Variants in NFXL1 observed in about 807,000 individuals in gnomAD.
NFXL1 encodes NF-X1-type zinc finger protein NFXL1.
Under a neutral mutation model 123.3 loss-of-function variants are expected in NFXL1, and 66 were observed. The observed-to-expected ratio is 0.54, with a 90% CI of 0.44 to 0.66. The LOEUF is 0.66. Ranked by LOEUF, NFXL1 falls within the 30% of genes least tolerant of loss-of-function variation. NFXL1 has a pLI of 0.00. For synonymous variants in NFXL1, 346 were observed against 360.8 expected (o/e 0.96, Z 0.46); for missense variants, 944 against 1,125.6 (o/e 0.84, Z 2.31).
intron 17 of NFXL1, among the ~76,000 whole-genome samples, chr4:47,877,663 G>A (rs1304596962): frequency 6.6e-6 from 1 of 151,902 alleles, no homozygotes; most frequent in Non-Finnish European, 1.5e-5. Context: ...GAAATTAAAA[G>A]CAATACATTT....
intron 15 of NFXL1, 122 bp downstream of exon 15, chr4:47,884,224 T>C (rs1446573808): frequency 1.8e-5 from 10 of 562,212 alleles, no homozygotes; most frequent in East Asian, 8.7e-5. Flanking sequence ...CACTAGTTGA[T>C]AGGCTAGGCC....
chr4:47,913,970 G>A lies in NFXL1; in HGVS notation c.234C>T (p.Ser78=). The A allele has an allele frequency of 2.6e-6, 4 of 1,542,274 alleles. No homozygotes were observed. The highest frequency in any genetic ancestry group is 2.1e-4 in the Middle Eastern group (1 of 4,828). The change falls in exon 2 of 23, where the codon AGC becomes AGT. Residue 78 remains serine (S), a splice_region_variant and synonymous_variant. Transcript: ENST00000507489. Reference sequence around the variant, plus strand: ...CACGCGGGCGGGAGCCATTCTCACCGCTGGCTGCGGTAGTCTGCAGGGCTT... The same window carrying A: ...CACGCGGGCGGGAGCCATTCTCACCACTGGCTGCGGTAGTCTGCAGGGCTT... ...GSQALQTTAA[S]ELMSQKKFEE...
chr4:47,854,456 A>G (rs1455698959), intron 20 of NFXL1, among the ~76,000 whole-genome samples: 1 of 152,136 alleles, frequency 6.6e-6, no homozygotes. Flanking sequence ...TTTCCTTCAT[A>G]AGTTTTGTTG....
At chr4:47,875,984 C>A (rs1313206583) in intron 17 of NFXL1, among the ~76,000 whole-genome samples, 1 of 151,948 alleles carries the variant, frequency 6.6e-6, no homozygotes, top group Non-Finnish European at 1.5e-5. Context: ...TGTTTTCTCA[C>A]GTCATACTTG....
At chr4:47,908,967 A>G (rs1317710250) in intron 3 of NFXL1, among the ~76,000 whole-genome samples, 1 of 151,682 alleles carries the variant, frequency 6.6e-6, no homozygotes, top group Non-Finnish European at 1.5e-5. Context: ...AAAAAAAAAA[A>G]AAAAAGAAAC....
Position 47,872,847 on chromosome 4 carries a change from A to G in NFXL1, c.2246+2280T>C, listed in dbSNP as rs565562732. Among the ~76,000 whole-genome samples, 32 of 152,306 alleles carry G rather than the reference A, an allele frequency of 2.1e-4. 1 individual carries two copies. In the South Asian group the frequency reaches 6.4e-3, roughly 31 times the overall value. ...GAGGTGGCTATGGCAATTAAAAAAAATAAGACAATAGAGTTTGCTGCATCA... is the reference window on the plus strand; with the variant it reads ...GAGGTGGCTATGGCAATTAAAAAAAGTAAGACAATAGAGTTTGCTGCATCA... On this transcript the variant is annotated intron_variant, in intron 18 of 22. Transcript: ENST00000507489.
chr4:47,884,228 C>T (rs1403270819), intron 15 of NFXL1, 118 bp downstream of exon 15: 1 of 587,852 alleles, frequency 1.7e-6, no homozygotes, highest in Non-Finnish European at 3.1e-6. Context: ...AGTTGATAGG[C>T]TAGGCCTGAA....
chr4:47,896,779 T>C (rs930537419), intron 9 of NFXL1, 132 bp from the exon 10 acceptor site: 78 of 555,058 alleles, frequency 1.4e-4, no homozygotes, highest in African/African-American at 3.4e-4. Flanking sequence ...CACATAATCA[T>C]TGGGAAAAAT....
Position 47,894,161 on chromosome 4 carries a change from C to A in NFXL1, c.1452+19G>T. 6.4e-7 allele frequency: 1 copy of A among 1,569,218 alleles called. No homozygotes were observed. The highest frequency in any genetic ancestry group is 8.6e-7 in the Non-Finnish European group (1 of 1,158,088). ...AATATAGTCTTTAAATCAGAGGTTT[C>A]CAAGGTTAATACACAAACCTTTCTT... On this transcript the variant is annotated intron_variant, in intron 11 of 22. Transcript: ENST00000507489.
At chr4:47,865,886 T>G (rs991981660) in intron 18 of NFXL1, among the ~76,000 whole-genome samples, 2 of 152,028 alleles carry the variant, frequency 1.3e-5, no homozygotes, top group African/African-American at 4.8e-5. Flanking sequence ...TGCGATGGTG[T>G]GCACCTGTAG....
intron 18 of NFXL1, among the ~76,000 whole-genome samples, chr4:47,873,439 G>C (rs1735563257): frequency 6.6e-6 from 1 of 152,124 alleles, no homozygotes; most frequent in South Asian, 2.1e-4. Flanking sequence ...TTGAACCATG[G>C]ACTGCAGAAT....
At chr4:47,853,809 ATACC>A (rs752067171) in intron 20 of NFXL1, among the ~76,000 whole-genome samples, 56 of 152,080 alleles carry the variant, frequency 3.7e-4, no homozygotes, top group Non-Finnish European at 7.8e-4. Context: ...GAGTCTGCAT[ATACC>A]TACACATACA....
intron 12 of NFXL1, among the ~76,000 whole-genome samples, chr4:47,886,823 A>G (rs369920501): frequency 6.6e-6 from 1 of 152,244 alleles, no homozygotes; most frequent in East Asian, 1.9e-4. Context: ...GTCTTTGGAA[A>G]ATTTAACATT....
intron 21 of NFXL1, 110 bp from the exon 22 acceptor site, chr4:47,851,258 T>C: frequency 1.4e-6 from 1 of 719,144 alleles, no homozygotes; most frequent in Non-Finnish European, 2.4e-6. Context: ...TTTTAGGAGC[T>C]TGAAATCATT....
chr4:47,868,644 G>A (rs940727357), intron 18 of NFXL1, among the ~76,000 whole-genome samples: 8 of 150,912 alleles, frequency 5.3e-5, no homozygotes, highest in South Asian at 4.2e-4. Context: ...CAAAGAAAAC[G>A]TATCACATAA....
chr4:47,856,115 T>C (rs187833135), intron 19 of NFXL1, among the ~76,000 whole-genome samples: 4 of 152,200 alleles, frequency 2.6e-5, no homozygotes, highest in African/African-American at 9.6e-5. Context: ...AATACACTAT[T>C]TGTTAGGGGT....
chr4:47,896,710 C>G (rs965073172), intron 9 of NFXL1, 63 bp from the exon 10 acceptor site: 3 of 1,182,910 alleles, frequency 2.5e-6, no homozygotes, highest in African/African-American at 3.0e-5. Context: ...CAACAAAGTG[C>G]CATGTTCTTC....
chr4:47,895,226 T>C (rs1737017180), intron 10 of NFXL1, among the ~76,000 whole-genome samples: 1 of 152,166 alleles, frequency 6.6e-6, no homozygotes, highest in Non-Finnish European at 1.5e-5. Flanking sequence ...AGACTAGATT[T>C]AGCAAAATTC....
intron 18 of NFXL1, among the ~76,000 whole-genome samples, chr4:47,870,511 A>G (rs1031704523): frequency 3.9e-5 from 6 of 152,220 alleles, no homozygotes; most frequent in Non-Finnish European, 7.3e-5. Context: ...AATACTATTT[A>G]ACACTGGACT....
Sources: allele counts gnomAD v4.1 joint callset (sites outside exome capture counted in the v4.1 genomes callset), GRCh38; gene constraint gnomAD v4.1.1; transcripts MANE v1.5; gene names NCBI Gene and HGNC (gene_info 2026-07-23, HGNC 2026-07-21).